The following SLIT2 variants were observed in gnomAD, a reference collection of about 807,000 sequenced individuals.
SLIT2 encodes slit homolog 2 protein.
A neutral mutation model predicts 185.7 loss-of-function variants in SLIT2; 41 were observed. The observed-to-expected ratio is 0.22, with a 90% confidence interval of 0.17 to 0.29. The LOEUF (loss-of-function observed/expected upper bound fraction) is 0.29, where lower values mean the gene tolerates loss of function less well. Ranked by LOEUF, SLIT2 falls within the 10% of genes least tolerant of loss-of-function variation. SLIT2 has a pLI of 1.00. For synonymous variants in SLIT2, 693 were observed against 680.2 expected, an observed-to-expected ratio of 1.02 and a Z score of -0.29; for missense variants, 1,571 against 1,909.0, an observed-to-expected ratio of 0.82 and a Z score of 3.30.
intron 9 of SLIT2, among the ~76,000 whole-genome samples, chr4:20,502,205 A>G (rs888754065): frequency 5.3e-5 from 8 of 152,244 alleles, no homozygotes; most frequent in Admixed American, 5.2e-4. Context: ...GAATATAATA[A>G]CATTATAAAT....
chr4:20,299,830 C>T (rs1388451570), intron 4 of SLIT2, among the ~76,000 whole-genome samples: 1 of 151,648 alleles, frequency 6.6e-6, no homozygotes, highest in Non-Finnish European at 1.5e-5. Context: ...CATAGGGCTC[C>T]GTAACAGATA....
intron 26 of SLIT2, 117 bp from the exon 27 acceptor site, chr4:20,567,145 A>AT (rs1247880887): frequency 1.1e-6 from 1 of 928,300 alleles, no homozygotes; most frequent in African/African-American, 1.7e-5. Context: ...AGAGACACAT[A>AT]TAGATATGTG....
chr4:20,419,515 G>T (rs1451860547), intron 4 of SLIT2, among the ~76,000 whole-genome samples: 3 of 152,068 alleles, frequency 2.0e-5, no homozygotes, highest in Non-Finnish European at 4.4e-5. Context: ...TTCAGATCTG[G>T]AATACACTGG....
chr4:20,403,361 T>G (rs1726506596), intron 4 of SLIT2, among the ~76,000 whole-genome samples: 2 of 152,098 alleles, frequency 1.3e-5, no homozygotes, highest in Admixed American at 1.3e-4. Flanking sequence ...CAGTTTTCAC[T>G]GGAGACAGTG....
At chr4:20,280,509 C>T (rs1169533143) in intron 4 of SLIT2, among the ~76,000 whole-genome samples, 1 of 151,978 alleles carries the variant, frequency 6.6e-6, no homozygotes, top group Non-Finnish European at 1.5e-5. Context: ...AGAGAGGGAC[C>T]TTGCCCAATG....
At chr4:20,426,605 G>A (rs1728576098) in intron 4 of SLIT2, among the ~76,000 whole-genome samples, 1 of 152,084 alleles carries the variant, frequency 6.6e-6, no homozygotes, top group African/African-American at 2.4e-5. Flanking sequence ...CATATTTAGA[G>A]TAGCTTTAGG....
chr4:20,495,705 G>T (rs1270764840), intron 9 of SLIT2, among the ~76,000 whole-genome samples: 1 of 152,196 alleles, frequency 6.6e-6, no homozygotes, highest in East Asian at 1.9e-4. Context: ...ATGAAAACGT[G>T]TGAAACTGCT....
At chr4:20,378,368 A>G (rs538001563) in intron 4 of SLIT2, among the ~76,000 whole-genome samples, 4 of 152,240 alleles carry the variant, frequency 2.6e-5, no homozygotes, top group Admixed American at 6.5e-5. Context: ...CAGTTTACAT[A>G]TTTCTTCGGA....
chr4:20,485,163 AC>A (rs1179646298), intron 6 of SLIT2, among the ~76,000 whole-genome samples: 3 of 151,798 alleles, frequency 2.0e-5, no homozygotes, highest in African/African-American at 7.3e-5. Context: ...TTACTTGTAT[AC>A]CCCCCGGGAT....
intron 16 of SLIT2, among the ~76,000 whole-genome samples, chr4:20,530,091 T>G (rs1482198941): frequency 7.8e-6 from 1 of 127,488 alleles, no homozygotes; most frequent in African/African-American, 2.9e-5. Context: ...ATCTTGTAGT[T>G]ATAGTGATTT....
At chr4:20,541,386 G>A in intron 19 of SLIT2, 67 bp from the exon 20 acceptor site, 1 of 1,382,676 alleles carries the variant, frequency 7.2e-7, no homozygotes, top group Non-Finnish European at 1.0e-6. Flanking sequence ...AAGGGTAGCT[G>A]GGGTTTAGAG....
intron 29 of SLIT2, among the ~76,000 whole-genome samples, chr4:20,578,821 A>G (rs1726281886): frequency 6.6e-6 from 1 of 152,220 alleles, no homozygotes; most frequent in Non-Finnish European, 1.5e-5. Context: ...AGTGTAAAAC[A>G]AATTAATATT....
At chr4:20,343,625 C>T (rs1248246155) in intron 4 of SLIT2, among the ~76,000 whole-genome samples, 2 of 151,816 alleles carry the variant, frequency 1.3e-5, no homozygotes, top group Admixed American at 6.6e-5. Flanking sequence ...TTTCAGCCTC[C>T]TGAGTAGCTA....
At chr4:20,330,319 C>T (rs954057753) in intron 4 of SLIT2, among the ~76,000 whole-genome samples, 4 of 152,048 alleles carry the variant, frequency 2.6e-5, no homozygotes, top group Non-Finnish European at 5.9e-5. Context: ...GGTTTAAGAT[C>T]TCCAAACACC....
chr4:20,350,633 A>G (rs1721795181), intron 4 of SLIT2, among the ~76,000 whole-genome samples: 2 of 152,214 alleles, frequency 1.3e-5, no homozygotes, highest in Non-Finnish European at 2.9e-5. Context: ...TTTTTGAAAT[A>G]AAAATATGGA....
At chr4:20,494,495 G>A (rs1444315369) in intron 9 of SLIT2, among the ~76,000 whole-genome samples, 1 of 152,056 alleles carries the variant, frequency 6.6e-6, no homozygotes, top group African/African-American at 2.4e-5. Flanking sequence ...ACAAAAATTG[G>A]GCTGGGTGCA....
chr4:20,510,613 A>G, intron 10 of SLIT2, 47 bp downstream of exon 10: 1 of 1,198,288 alleles, frequency 8.3e-7, no homozygotes, highest in Non-Finnish European at 1.2e-6. Flanking sequence ...AAAATTATAG[A>G]GGTCATGAGA....
chr4:20,293,781 A>G (rs1404552084), intron 4 of SLIT2, among the ~76,000 whole-genome samples: 1 of 152,132 alleles, frequency 6.6e-6, no homozygotes, highest in East Asian at 1.9e-4. Context: ...GGTGTCAGAT[A>G]TATTATGTGA....
At chr4:20,290,361 A>G (rs1414923431) in intron 4 of SLIT2, among the ~76,000 whole-genome samples, 4 of 152,214 alleles carry the variant, frequency 2.6e-5, no homozygotes, top group African/African-American at 9.7e-5. Flanking sequence ...AAAAATACAA[A>G]CCAAAAACTA....
Sources: gnomAD v4.1 joint callset for allele counts (sites outside exome capture counted in the v4.1 genomes callset) on GRCh38, gnomAD v4.1.1 for gene constraint, MANE v1.5 for transcripts, NCBI Gene and HGNC (gene_info 2026-07-23, HGNC 2026-07-21) for gene names.